The following ZNF704 variants were observed in gnomAD, a reference collection of about 807,000 sequenced individuals.
ZNF704 encodes the protein zinc finger protein 704.
Under a neutral mutation model 44.7 loss-of-function variants are expected in ZNF704, and 10 were observed. That is an observed-to-expected ratio of 0.22 (90% confidence interval 0.14 to 0.38). The LOEUF (loss-of-function observed/expected upper bound fraction) is 0.38. Ranked by LOEUF, ZNF704 falls within the 10% of genes least tolerant of loss-of-function variation. The pLI, the probability that ZNF704 is intolerant of heterozygous loss-of-function variation, is 1.00. For synonymous variants in ZNF704, 211 were observed against 207.6 expected (o/e 1.02, Z -0.14); for missense variants, 390 against 545.5 (o/e 0.71, Z 2.84).
At chr8:80,838,764 C>T (rs532222931) in intron 1 of ZNF704, among the ~76,000 whole-genome samples, 1 of 138,048 alleles carries the variant, frequency 7.2e-6, no homozygotes, top group Non-Finnish European at 1.5e-5. Flanking sequence ...GGAGGCCACC[C>T]GAGGTGGCAA....
At chr8:80,839,639 A>G (rs1176470129) in intron 1 of ZNF704, among the ~76,000 whole-genome samples, 1 of 152,238 alleles carries the variant, frequency 6.6e-6, no homozygotes, top group Non-Finnish European at 1.5e-5. Context: ...AATGACTATA[A>G]GGGAGAAACG....
At chr8:80,795,545 T>C (rs1563556068) in intron 2 of ZNF704, among the ~76,000 whole-genome samples, 1 of 150,492 alleles carries the variant, frequency 6.6e-6, no homozygotes, top group African/African-American at 2.4e-5. Flanking sequence ...TATGTTAAGT[T>C]AAAAAAAAAG....
chr8:80,846,366 T>C (rs554159456), intron 1 of ZNF704, among the ~76,000 whole-genome samples: 7 of 151,210 alleles, frequency 4.6e-5, no homozygotes, highest in Admixed American at 2.7e-4. Context: ...TCCAGACTTA[T>C]TGAGTAACCC....
At chr8:80,822,041 G>T (rs1310194204) in intron 1 of ZNF704, among the ~76,000 whole-genome samples, 1 of 152,008 alleles carries the variant, frequency 6.6e-6, no homozygotes, top group Non-Finnish European at 1.5e-5. Flanking sequence ...AATAATACTG[G>T]TCTTAACCAC....
chr8:80,881,498 T>TA, the ZNF704 span, among the ~76,000 whole-genome samples: 82 of 151,374 alleles, frequency 5.4e-4, no homozygotes, highest in Non-Finnish European at 9.4e-4. Flanking sequence ...ATACATAGCG[T>TA]AAAAAAAAAT....
At chr8:80,824,777 G>C (rs1808342995) in intron 1 of ZNF704, among the ~76,000 whole-genome samples, 1 of 152,256 alleles carries the variant, frequency 6.6e-6, no homozygotes, top group African/African-American at 2.4e-5. Context: ...ATCCAACATT[G>C]TTAAAGAAAA....
upstream of ZNF704, among the ~76,000 whole-genome samples, chr8:80,878,877 T>A (rs920519281): frequency 7.2e-5 from 11 of 152,228 alleles, no homozygotes; most frequent in African/African-American, 2.7e-4. Flanking sequence ...TTCTTATTTA[T>A]GTAACACATA....
At position 80,634,400 on chromosome 8, in the gene ZNF704, T is replaced by C. The variant is rs577866186; in HGVS notation, c.*6966A>G. 2.6e-5 allele frequency: 4 copies of C among 152,186 alleles called. No individual in the cohort carries two copies. The highest frequency in any genetic ancestry group is 9.7e-5 in the African/African-American group (4 of 41,440). The allele number at this position is 152,186 out of a possible 1,614,324, so 9.4% of individuals were successfully genotyped here. A position where few individuals can be genotyped will look rare whatever the true frequency, so the allele number is the denominator to read the frequency against. ...TTTAGTTGCCCAGATAGTGCCGACATGTGAGTTTGTGGGGCTGATGGATGA... is the reference window on the plus strand; with the variant it reads ...TTTAGTTGCCCAGATAGTGCCGACACGTGAGTTTGTGGGGCTGATGGATGA... On this transcript the variant is annotated 3_prime_UTR_variant, in exon 9 of 9. Coordinates refer to ENST00000327835, the MANE Select transcript of ZNF704 (RefSeq NM_001033723.3).
At chr8:80,771,865 T>C (rs1438804134) in intron 2 of ZNF704, among the ~76,000 whole-genome samples, 1 of 152,206 alleles carries the variant, frequency 6.6e-6, no homozygotes, top group Non-Finnish European at 1.5e-5. Flanking sequence ...TCCTTCTATT[T>C]CTATTTTTCT....
chr8:80,753,077 C>A (rs1459201144), intron 2 of ZNF704, among the ~76,000 whole-genome samples: 1 of 152,162 alleles, frequency 6.6e-6, no homozygotes, highest in Non-Finnish European at 1.5e-5. Context: ...TGTGTTTAAA[C>A]AAGGCATACA....
At position 80,686,061 on chromosome 8, in the gene ZNF704, T is replaced by C. The variant is rs142109560; in HGVS notation, c.558+1165A>G. ...GTCTTCAGATTTAGTGGTAGTATAG[T>C]GGTAGTTTTCCTTTATTCTGTGAAA... On this transcript the variant is annotated intron_variant, in intron 4 of 8. Coordinates refer to ENST00000327835, the MANE Select transcript of ZNF704 (RefSeq NM_001033723.3). Among the ~76,000 whole-genome samples, 218 of 152,370 alleles carry C rather than the reference T, an allele frequency of 1.4e-3. 1 individual carries two copies. The highest frequency in any genetic ancestry group is 4.3e-3 in the South Asian group (21 of 4,828).
Position 80,750,485 on chromosome 8 carries a change from T to G in ZNF704, c.222-57378A>C, listed in dbSNP as rs1222624878. 2.0e-5 allele frequency among the ~76,000 whole-genome samples: 3 copies of G among 152,004 alleles called. No individual in the cohort carries two copies. The East Asian group carries it at 5.8e-4, about 29-fold the overall frequency. On this transcript the variant is annotated intron_variant, in intron 2 of 8. Transcript: ENST00000327835. ...ATTTATATCCTTTTCCTCATACAAC[T>G]CTTCAAAATCCAGCATGTACTTTAA...
upstream of ZNF704, among the ~76,000 whole-genome samples, chr8:80,877,185 GAAAAAAAAAAAAA>G (rs5892744): frequency 8.7e-4 from 52 of 59,728 alleles, 1 homozygote; most frequent in African/African-American, 2.3e-3. Context: ...CTCTGAATGG[GAAAAAAAAAAAAA>G]AAAAAAAAAA....
At position 80,636,104 on chromosome 8, in the gene ZNF704, C is replaced by A. The variant is rs2291163; in HGVS notation, c.*5262G>T. On this transcript the variant is annotated 3_prime_UTR_variant, in exon 9 of 9. Coordinates refer to ENST00000327835, the MANE Select transcript of ZNF704 (RefSeq NM_001033723.3). Reference sequence around the variant, plus strand: ...GTTAACTTGAGAAGTAGAGTACTGACGCTTATTACCAAAGTGTCATGTCTC... The same window carrying A: ...GTTAACTTGAGAAGTAGAGTACTGAAGCTTATTACCAAAGTGTCATGTCTC... 6.6e-6 allele frequency: 1 copy of A among 152,158 alleles called. No homozygotes were observed. Among genetic ancestry groups the A allele is most frequent in the Non-Finnish European group, 1.5e-5 (1 of 68,028 alleles). 9.4% of individuals were successfully genotyped at this position (152,158 alleles called of 1,614,324 possible).
At chr8:80,741,526 T>C (rs1190626871) in intron 2 of ZNF704, among the ~76,000 whole-genome samples, 2 of 152,162 alleles carry the variant, frequency 1.3e-5, no homozygotes. Flanking sequence ...AGAGATCTTA[T>C]GTGTGTGGAC....
chr8:80,772,302 T>C (rs752694073), intron 2 of ZNF704, among the ~76,000 whole-genome samples: 21 of 152,302 alleles, frequency 1.4e-4, no homozygotes, highest in Non-Finnish European at 3.1e-4. Context: ...TTTATTAATC[T>C]TTTCAAAGAA....
intron 8 of ZNF704, 89 bp from the exon 9 acceptor site, chr8:80,641,566 G>GA: frequency 1.6e-6 from 1 of 616,032 alleles, no homozygotes; most frequent in East Asian, 3.4e-5. Flanking sequence ...AAGAGTGAGG[G>GA]AGGAAAAAAA....
At chr8:80,877,631 A>T (rs565832911), upstream of ZNF704, among the ~76,000 whole-genome samples, 6 of 152,320 alleles carry the variant, frequency 3.9e-5, no homozygotes, top group South Asian at 1.2e-3. Flanking sequence ...GGGATAAAGA[A>T]GGAGCCCCTC....
intron 2 of ZNF704, among the ~76,000 whole-genome samples, chr8:80,788,706 A>G (rs1807655390): frequency 6.6e-6 from 1 of 152,174 alleles, no homozygotes; most frequent in Non-Finnish European, 1.5e-5. Flanking sequence ...CTGGGCCTTT[A>G]CGACACCTGA....
Sources: allele counts gnomAD v4.1 joint callset (sites outside exome capture counted in the v4.1 genomes callset), GRCh38; gene constraint gnomAD v4.1.1; transcripts MANE v1.5; gene names NCBI Gene and HGNC (gene_info 2026-07-23, HGNC 2026-07-21).